Variants in SRFBP1 observed in about 807,000 individuals in gnomAD.
SRFBP1 encodes serum response factor-binding protein 1.
Under a neutral mutation model 45.5 loss-of-function variants are expected in SRFBP1, and 47 were observed. That is an observed-to-expected ratio of 1.03 (90% confidence interval 0.82 to 1.32). The LOEUF (loss-of-function observed/expected upper bound fraction) is 1.32, where lower values mean the gene tolerates loss of function less well. Ranked by LOEUF, SRFBP1 falls within the 40% of genes most tolerant of loss-of-function variation. The pLI, the probability that SRFBP1 is intolerant of heterozygous loss-of-function variation, is 0.00. For synonymous variants in SRFBP1, 203 were observed against 166.3 expected, an observed-to-expected ratio of 1.22 and a Z score of -1.70; for missense variants, 621 against 484.6, an observed-to-expected ratio of 1.28 and a Z score of -2.64.
At chr5:122,067,477 C>G (rs1252363497) in intron 2 of SRFBP1, among the ~76,000 whole-genome samples, 2 of 152,062 alleles carry the variant, frequency 1.3e-5, no homozygotes, top group African/African-American at 4.8e-5. Context: ...TCTTAAATAT[C>G]TGGCAGGAAA....
intron 2 of SRFBP1, among the ~76,000 whole-genome samples, chr5:122,039,877 A>T (rs182618737): frequency 6.6e-6 from 1 of 152,208 alleles, no homozygotes; most frequent in Non-Finnish European, 1.5e-5. Context: ...TTCTAATGCT[A>T]TATTTGAGTA....
intron 4 of SRFBP1, among the ~76,000 whole-genome samples, chr5:122,001,096 A>G (rs904063812): frequency 6.6e-6 from 1 of 152,018 alleles, no homozygotes; most frequent in Non-Finnish European, 1.5e-5. Context: ...CTAAACCTCC[A>G]TAAAGTTTTG....
In SRFBP1 at chr5:122,002,463, CT is replaced by C. The variant is rs1405183317; in HGVS notation, c.270+7794del. ...TTTAAATATAGTATAACTTCAAAAA[CT>C]GAATTCTTACCAATGACTTTTATTT... On this transcript the variant is annotated intron_variant, in intron 4 of 7. Coordinates refer to ENST00000339397, the MANE Select transcript of SRFBP1 (RefSeq NM_152546.3). 9.9e-5 allele frequency among the ~76,000 whole-genome samples: 15 copies of C among 152,282 alleles called. No homozygotes were observed. In the South Asian group the frequency reaches 2.9e-3, roughly 29 times the overall value.
At chr5:122,014,374 C>T (rs1753154453) in intron 4 of SRFBP1, among the ~76,000 whole-genome samples, 1 of 152,052 alleles carries the variant, frequency 6.6e-6, no homozygotes, top group South Asian at 2.1e-4. Context: ...TCCTTTGACT[C>T]ACTGCTGCTA....
intron 2 of SRFBP1, chr5:122,063,891 T>C (rs1754230670): frequency 6.6e-6 from 1 of 151,908 alleles, no homozygotes; most frequent in South Asian, 2.1e-4. Flanking sequence ...CTACAAATAA[T>C]GCCTAGTGAG....
At chr5:121,996,171 G>C (rs1197496725) in intron 4 of SRFBP1, among the ~76,000 whole-genome samples, 3 of 147,318 alleles carry the variant, frequency 2.0e-5, no homozygotes, top group Non-Finnish European at 4.5e-5. Context: ...TATGAGGCCA[G>C]CATCATTCTG....
At chr5:122,033,476 T>G (rs1361387227), downstream of SRFBP1, among the ~76,000 whole-genome samples, 3 of 151,868 alleles carry the variant, frequency 2.0e-5, no homozygotes, top group African/African-American at 7.3e-5. Context: ...AGTATTGTGC[T>G]TCTGCTTTTT....
chr5:122,052,960 A>G (rs767610196), intron 2 of SRFBP1, among the ~76,000 whole-genome samples: 1 of 150,700 alleles, frequency 6.6e-6, no homozygotes, highest in South Asian at 2.1e-4. Context: ...TGATTGTGGT[A>G]TAAGGTGGGT....
At chr5:122,005,885 A>G (rs1263532848) in intron 4 of SRFBP1, among the ~76,000 whole-genome samples, 1 of 152,160 alleles carries the variant, frequency 6.6e-6, no homozygotes, top group East Asian at 1.9e-4. Flanking sequence ...AGCTAACAAT[A>G]TTTTAATAGT....
rs368741679 is a variant in SRFBP1, at chr5:121,968,091, T to C, written c.36+6023T>C. On this transcript the variant is annotated intron_variant, in intron 1 of 7. Transcript: ENST00000339397. ...CGTATCTATACCCAGTGTATAGTAT[T>C]GTGTTGTATACTTTTAAACTGCATA... Among the ~76,000 whole-genome samples the C allele has an allele frequency of 1.7e-4, 26 of 152,248 alleles. 1 individual carries two copies. In the East Asian group the frequency reaches 4.8e-3, roughly 28 times the overall value.
chr5:121,999,317 A>G (rs1369917621), intron 4 of SRFBP1, among the ~76,000 whole-genome samples: 4 of 151,978 alleles, frequency 2.6e-5, no homozygotes, highest in Non-Finnish European at 5.9e-5. Flanking sequence ...TAATTCCTTT[A>G]TGATCCATGA....
At chr5:121,988,946 T>G (rs903118488) in intron 3 of SRFBP1, among the ~76,000 whole-genome samples, 2 of 152,244 alleles carry the variant, frequency 1.3e-5, no homozygotes, top group Admixed American at 6.5e-5. Flanking sequence ...ATGCATTATA[T>G]TCTGCATTCG....
rs1753447276 is a variant in SRFBP1, at chr5:122,024,961, TA to T, written c.1106-1980del. 2.6e-5 allele frequency among the ~76,000 whole-genome samples: 4 copies of T among 152,348 alleles called. No homozygotes were observed. In the South Asian group the frequency reaches 8.3e-4, roughly 32 times the overall value. ...TTGTTTTGTTTTGTTTTGTTTTTTT[TA>T]TTTTTATTATTATTACACTTTAAGT... is the stretch of plus-strand genomic sequence containing the variant. On this transcript the variant is annotated intron_variant, in intron 7 of 7. Coordinates refer to ENST00000339397, the MANE Select transcript of SRFBP1 (RefSeq NM_152546.3).
At chr5:121,985,073 G>A (rs1413525469) in intron 3 of SRFBP1, among the ~76,000 whole-genome samples, 2 of 151,858 alleles carry the variant, frequency 1.3e-5, no homozygotes, top group African/African-American at 2.4e-5. Flanking sequence ...TGTTTGGCTA[G>A]TTTATAAAAA....
At position 121,994,579 on chromosome 5, in the gene SRFBP1, T is replaced by C; in HGVS notation, c.199-20T>C. Reference sequence around the variant, plus strand: ...AAAATAGACACATAACTAAAATTAATTTGTTTTATTCTTTCACAGGAATTG... The same window carrying C: ...AAAATAGACACATAACTAAAATTAACTTGTTTTATTCTTTCACAGGAATTG... On this transcript the variant is annotated intron_variant, in intron 3 of 7. Coordinates refer to ENST00000339397, the MANE Select transcript of SRFBP1 (RefSeq NM_152546.3). 1 of 1,543,912 alleles carries C rather than the reference T, an allele frequency of 6.5e-7. No homozygotes were observed. The highest frequency in any genetic ancestry group is 8.9e-7 in the Non-Finnish European group (1 of 1,129,314).
intron 2 of SRFBP1, among the ~76,000 whole-genome samples, chr5:122,044,517 T>C (rs1402779425): frequency 7.4e-6 from 1 of 135,640 alleles, no homozygotes; most frequent in East Asian, 2.2e-4. Context: ...CATCTATTAT[T>C]TTTTTTTTTT....
At chr5:122,033,979 A>G (rs980388388) in intron 2 of SRFBP1, among the ~76,000 whole-genome samples, 1 of 150,668 alleles carries the variant, frequency 6.6e-6, no homozygotes. Context: ...ACACGCCACC[A>G]CGCCCAGCTA....
At chr5:122,001,864 C>T (rs1199790251) in intron 4 of SRFBP1, among the ~76,000 whole-genome samples, 1 of 152,060 alleles carries the variant, frequency 6.6e-6, no homozygotes, top group Non-Finnish European at 1.5e-5. Context: ...CCCGGCCATC[C>T]TTTGGTATCT....
At chr5:121,989,459 T>C (rs1285737496) in intron 3 of SRFBP1, among the ~76,000 whole-genome samples, 1 of 152,186 alleles carries the variant, frequency 6.6e-6, no homozygotes, top group Non-Finnish European at 1.5e-5. Flanking sequence ...GAGCATGGTG[T>C]AACAGTATCA....
Sources: allele counts gnomAD v4.1 joint callset (sites outside exome capture counted in the v4.1 genomes callset), GRCh38; gene constraint gnomAD v4.1.1; transcripts MANE v1.5; gene names NCBI Gene and HGNC (gene_info 2026-07-23, HGNC 2026-07-21).